Variants in GGA3 observed in about 807,000 individuals in gnomAD.
The protein encoded by GGA3 is golgi associated, gamma adaptin ear containing, ARF binding protein 3, also known as ADP-ribosylation factor-binding protein GGA3.
GGA3 carries 57 observed loss-of-function variants against 77.5 expected under a neutral mutation model. That is an observed-to-expected ratio of 0.74 (90% CI 0.59 to 0.92). The LOEUF is 0.92. Ranked by LOEUF, GGA3 falls within the 40% of genes least tolerant of loss-of-function variation. The pLI is 0.00. For synonymous variants in GGA3, 416 were observed against 383.7 expected (o/e 1.08, Z -0.98); for missense variants, 970 against 914.9 (o/e 1.06, Z -0.78).
At chr17:75,245,325 G>T (rs777795394) in intron 3 of GGA3, among the ~76,000 whole-genome samples, 1 of 152,152 alleles carries the variant, frequency 6.6e-6, no homozygotes, top group Non-Finnish European at 1.5e-5. Context: ...CTCAGGTGAG[G>T]CCTGGCTGAC....
At chr17:75,244,922 T>C (rs1397280710) in intron 3 of GGA3, among the ~76,000 whole-genome samples, 2 of 151,896 alleles carry the variant, frequency 1.3e-5, no homozygotes, top group Non-Finnish European at 2.9e-5. Context: ...ACTGCAAACC[T>C]CTGCTGGGGA....
chr17:75,248,935 G>A, intron 1 of GGA3: 1 of 985,344 alleles, frequency 1.0e-6, no homozygotes, highest in Non-Finnish European at 1.2e-6. Flanking sequence ...GCAGAGGGAA[G>A]GCCCGTGGCA....
chr17:75,253,175 G>A (rs9899174), intron 1 of GGA3, among the ~76,000 whole-genome samples: 81,774 of 152,012 alleles, frequency 0.54, 26,700 homozygotes, highest in East Asian at 0.86. Context: ...CCAGCCCAAG[G>A]AACATCTCAC....
At chr17:75,261,892 C>A (rs371395208), upstream of GGA3, 30 of 1,607,466 alleles carry the variant, frequency 1.9e-5, no homozygotes, top group South Asian at 3.3e-4. Context: ...GTCCTCGTGG[C>A]CAGCCAAGAT....
intron 1 of GGA3, chr17:75,248,839 C>T (rs558367286): frequency 1.1e-4 from 103 of 976,430 alleles, no homozygotes; most frequent in Non-Finnish European, 1.2e-4. Context: ...AAAAAACTCA[C>T]CAGCTGGATG....
intron 1 of GGA3, among the ~76,000 whole-genome samples, chr17:75,250,567 A>T (rs1215410048): frequency 6.6e-6 from 1 of 151,432 alleles, no homozygotes; most frequent in South Asian, 2.1e-4. Context: ...GTTCAAGACC[A>T]GCCTGTTCAA....
chr17:75,247,532 G>C (rs1243813670), intron 1 of GGA3, among the ~76,000 whole-genome samples: 1 of 152,208 alleles, frequency 6.6e-6, no homozygotes, highest in African/African-American at 2.4e-5. Context: ...AAAGTGCTGG[G>C]ATTACAGGCG....
At position 75,239,101 on chromosome 17, in the gene GGA3, G is replaced by T. The variant is rs1297730296; in HGVS notation, c.1781-18C>A. 2 of 1,608,168 alleles carry T rather than the reference G, an allele frequency of 1.2e-6. No individual in the cohort carries two copies. The highest frequency in any genetic ancestry group is 1.7e-6 in the Non-Finnish European group (2 of 1,178,050). ...GGCACTGCCTGTAAGAACGTGACGT[G>T]AGTGTGGGAGGAGCAGCACCAGAGA... is the stretch of plus-strand genomic sequence containing the variant. On this transcript the variant is annotated intron_variant, in intron 14 of 16. Transcript: ENST00000537686.
intron 1 of GGA3, among the ~76,000 whole-genome samples, chr17:75,247,802 C>T (rs572148834): frequency 1.3e-5 from 2 of 152,202 alleles, no homozygotes; most frequent in African/African-American, 4.8e-5. Flanking sequence ...TCTCAGAGGG[C>T]CCCTGGGATT....
intron 8 of GGA3, 164 bp from the exon 9 acceptor site, chr17:75,241,860 C>T (rs929726995): frequency 1.1e-5 from 7 of 665,192 alleles, no homozygotes; most frequent in East Asian, 2.6e-5. Context: ...CCAGCCACCA[C>T]CACCACACCA....
upstream of GGA3, chr17:75,261,617 A>C (rs1459215567): frequency 6.5e-7 from 1 of 1,528,472 alleles, no homozygotes; most frequent in Admixed American, 2.1e-5. Flanking sequence ...GCGGCTTCAA[A>C]ACTCGCGAGA....
chr17:75,242,719 G>T, intron 7 of GGA3, 112 bp downstream of exon 7: 1 of 992,892 alleles, frequency 1.0e-6, no homozygotes, highest in Admixed American at 1.8e-5. Flanking sequence ...GCACAGGTAG[G>T]GCAGCTGGCA....
chr17:75,259,692 AG>A (rs2077278889), intron 1 of GGA3, among the ~76,000 whole-genome samples: 1 of 152,198 alleles, frequency 6.6e-6, no homozygotes, highest in South Asian at 2.1e-4. Flanking sequence ...GCAACAATTC[AG>A]GCAAACGTGG....
chr17:75,237,523 G>GT lies in GGA3; in HGVS notation c.*755dup. The GT allele has an allele frequency of 6.5e-7, 1 of 1,535,656 alleles. No individual in the cohort carries two copies. The highest frequency in any genetic ancestry group is 8.7e-7 in the Non-Finnish European group (1 of 1,146,474). On this transcript the variant is annotated 3_prime_UTR_variant, in exon 17 of 17. Coordinates refer to ENST00000537686, the MANE Select transcript of GGA3 (RefSeq NM_138619.4). ...AGGCACGCTTTTCCCAGAAAGCTGA[G>GT]TACCTGCTTCTGGAGAAGGGGAAAT...
chr17:75,254,359 C>T (rs975649095), intron 1 of GGA3, among the ~76,000 whole-genome samples: 2 of 152,284 alleles, frequency 1.3e-5, no homozygotes, highest in East Asian at 1.9e-4. Flanking sequence ...GGCCCTCCCC[C>T]ACCTGCCCAG....
At chr17:75,261,732 G>T (rs16967742), upstream of GGA3, 36,908 of 1,146,000 alleles carry the variant, frequency 0.032, 4,811 homozygotes, top group African/African-American at 0.36. Flanking sequence ...GGAGGGCAAG[G>T]GTTTCCTTTT....
intron 1 of GGA3, among the ~76,000 whole-genome samples, chr17:75,256,625 C>T (rs977587792): frequency 2.6e-5 from 4 of 152,154 alleles, no homozygotes; most frequent in South Asian, 2.1e-4. Context: ...GCCACTAGCC[C>T]GCCTCTTAGA....
chr17:75,251,488 G>T (rs148449187), intron 1 of GGA3, among the ~76,000 whole-genome samples: 4 of 151,804 alleles, frequency 2.6e-5, no homozygotes, highest in African/African-American at 9.7e-5. Context: ...TGGGTGGATC[G>T]CGAGGTCAGG....
At chr17:75,259,098 C>A (rs1260339895) in intron 1 of GGA3, among the ~76,000 whole-genome samples, 1 of 151,700 alleles carries the variant, frequency 6.6e-6, no homozygotes. Flanking sequence ...GGACTACAGG[C>A]GCCCGCCACT....
Sources: allele counts gnomAD v4.1 joint callset (sites outside exome capture counted in the v4.1 genomes callset), GRCh38; gene constraint gnomAD v4.1.1; transcripts MANE v1.5; gene names NCBI Gene and HGNC (gene_info 2026-07-23, HGNC 2026-07-21).